Variants in NDRG3 observed in about 807,000 individuals in gnomAD.
NDRG3 encodes protein NDRG3.
In NDRG3, 23 loss-of-function variants were observed where a neutral mutation model predicts 57.2. That is an observed-to-expected ratio of 0.40 (90% CI 0.29 to 0.57). NDRG3 has a LOEUF of 0.57. NDRG3 is among the 20% of genes least tolerant of loss of function. The pLI is 0.42. For missense variants in NDRG3, 384 were observed against 457.3 expected, an observed-to-expected ratio of 0.84 and a Z score of 1.46; for synonymous variants, 132 against 162.6, an observed-to-expected ratio of 0.81 and a Z score of 1.43.
At chr20:36,728,557 T>C (rs1157282282) in intron 1 of NDRG3, among the ~76,000 whole-genome samples, 1 of 152,192 alleles carries the variant, frequency 6.6e-6, no homozygotes, top group Non-Finnish European at 1.5e-5. Context: ...GGCATCTCCC[T>C]TGAACATCAA....
chr20:36,745,506 T>C (rs1346772254), intron 1 of NDRG3, among the ~76,000 whole-genome samples: 1 of 152,194 alleles, frequency 6.6e-6, no homozygotes, highest in Non-Finnish European at 1.5e-5. Flanking sequence ...CACCTTTCCG[T>C]GCCTCAGTTT....
At chr20:36,733,673 G>A (rs1432145105) in intron 1 of NDRG3, among the ~76,000 whole-genome samples, 1 of 151,604 alleles carries the variant, frequency 6.6e-6, no homozygotes, top group East Asian at 1.9e-4. Context: ...CTCTAGCCTG[G>A]GTGACAGAGC....
intron 2 of NDRG3, among the ~76,000 whole-genome samples, chr20:36,718,391 G>A (rs929717617): frequency 6.6e-6 from 1 of 152,196 alleles, no homozygotes; most frequent in Admixed American, 6.5e-5. Context: ...AATGTGGGAA[G>A]TGGGTAGGAA....
intron 2 of NDRG3, among the ~76,000 whole-genome samples, chr20:36,714,443 C>T (rs1018796112): frequency 1.2e-3 from 153 of 124,800 alleles, no homozygotes; most frequent in African/African-American, 4.2e-3. Flanking sequence ...TCATTTTCTT[C>T]TTTTTTTTTT....
intron 2 of NDRG3, 88 bp from the exon 3 acceptor site, chr20:36,707,095 C>G: frequency 8.5e-7 from 1 of 1,171,012 alleles, no homozygotes; most frequent in African/African-American, 1.5e-5. Context: ...GACAGCAGTG[C>G]ATGTGCAGCC....
intron 1 of NDRG3, among the ~76,000 whole-genome samples, chr20:36,727,702 C>G (rs559632599): frequency 3.3e-4 from 50 of 151,878 alleles, no homozygotes; most frequent in African/African-American, 1.0e-3. Context: ...CCACCACGCC[C>G]GGCTAATTTT....
chr20:36,680,748 T>A lies in NDRG3; in HGVS notation c.531+68A>T. ...ACCCTTAACTGTATATATACCTCAA[T>A]GAAAAACTGGTAAGCTGTTTTGAGA... On this transcript the variant is annotated intron_variant, in intron 8 of 15. Transcript: ENST00000349004. 4.0e-6 allele frequency: 5 copies of A among 1,263,810 alleles called. No individual in the cohort carries two copies. The South Asian group carries it at 6.1e-5, about 15-fold the overall frequency. The allele number at this position is 1,263,810 out of a possible 1,614,324, so 78.3% of individuals were successfully genotyped here. A position where few individuals can be genotyped will look rare whatever the true frequency, so the allele number is the denominator to read the frequency against.
chr20:36,730,117 C>A (rs1254418735), intron 1 of NDRG3, among the ~76,000 whole-genome samples: 1 of 151,352 alleles, frequency 6.6e-6, no homozygotes, highest in African/African-American at 2.4e-5. Context: ...CATGATAGCA[C>A]GTGCCTGTAA....
intron 3 of NDRG3, among the ~76,000 whole-genome samples, chr20:36,691,584 G>A (rs1478231942): frequency 1.3e-5 from 2 of 152,064 alleles, no homozygotes; most frequent in Non-Finnish European, 1.5e-5. Context: ...ATGATGGCAG[G>A]TGCCTGTAAT....
chr20:36,715,593 G>A (rs1471621337), intron 2 of NDRG3, among the ~76,000 whole-genome samples: 1 of 151,518 alleles, frequency 6.6e-6, no homozygotes, highest in East Asian at 1.9e-4. Context: ...CGAGGCAGGA[G>A]GATTGCTTGA....
chr20:36,702,231 G>C (rs912086965), intron 3 of NDRG3, among the ~76,000 whole-genome samples: 2 of 151,974 alleles, frequency 1.3e-5, no homozygotes, highest in Non-Finnish European at 2.9e-5. Flanking sequence ...CCGCCTCCTG[G>C]GTTCACGCCA....
intron 8 of NDRG3, among the ~76,000 whole-genome samples, chr20:36,673,599 T>C (rs1980375375): frequency 6.6e-6 from 1 of 151,476 alleles, no homozygotes; most frequent in East Asian, 1.9e-4. Context: ...TAGAGATGGG[T>C]TTCACCATGT....
At chr20:36,662,708 C>A (rs1391964644) in intron 12 of NDRG3, among the ~76,000 whole-genome samples, 1 of 152,250 alleles carries the variant, frequency 6.6e-6, no homozygotes, top group Admixed American at 6.5e-5. Context: ...TCCTCTTAAT[C>A]CCCACACACT....
At chr20:36,664,048 C>A (rs1979417415) in intron 12 of NDRG3, among the ~76,000 whole-genome samples, 2 of 152,072 alleles carry the variant, frequency 1.3e-5, no homozygotes, top group African/African-American at 4.8e-5. Context: ...GGTGATCCAC[C>A]CACCTCAGCC....
intron 1 of NDRG3, among the ~76,000 whole-genome samples, chr20:36,722,074 G>T (rs1984625989): frequency 6.6e-6 from 1 of 152,140 alleles, no homozygotes; most frequent in Non-Finnish European, 1.5e-5. Context: ...GAGTGACTTT[G>T]CATGATTACA....
chr20:36,690,263 C>G (rs1467928465), intron 3 of NDRG3, among the ~76,000 whole-genome samples: 2 of 152,248 alleles, frequency 1.3e-5, no homozygotes, highest in African/African-American at 2.4e-5. Context: ...GAGCAAAGCT[C>G]AGGAACCAAA....
intron 2 of NDRG3, among the ~76,000 whole-genome samples, chr20:36,716,029 AG>A (rs1984253281): frequency 6.6e-6 from 1 of 152,118 alleles, no homozygotes; most frequent in Non-Finnish European, 1.5e-5. Flanking sequence ...TGAGCCCAGG[AG>A]GCTGCAATAA....
intron 3 of NDRG3, 81 bp from the exon 4 acceptor site, chr20:36,688,865 C>T (rs149009670): frequency 1.1e-6 from 1 of 940,512 alleles, no homozygotes; most frequent in Non-Finnish European, 1.8e-6. Flanking sequence ...CCTGCTTTAC[C>T]ACCGTTTCCC....
Position 36,651,910 on chromosome 20 carries a change from G to T in NDRG3, c.*1610C>A, listed in dbSNP as rs985792667. 1 of 152,200 alleles carries T rather than the reference G, an allele frequency of 6.6e-6. No homozygotes were observed. Among genetic ancestry groups the T allele is most frequent in the Non-Finnish European group, 1.5e-5 (1 of 68,044 alleles). The allele number at this position is 152,200 out of a possible 1,614,324, so 9.4% of individuals were successfully genotyped here. A position where few individuals can be genotyped will look rare whatever the true frequency, so the allele number is the denominator to read the frequency against. On this transcript the variant is annotated 3_prime_UTR_variant, in exon 16 of 16. Transcript: ENST00000349004. ...CCAAGATTTGGAACTGTGTAACCCT[G>T]AGCTTACATCTCAATGCTCCCAAGA...
Sources: gnomAD v4.1 joint callset for allele counts (sites outside exome capture counted in the v4.1 genomes callset) on GRCh38, gnomAD v4.1.1 for gene constraint, MANE v1.5 for transcripts, NCBI Gene and HGNC (gene_info 2026-07-23, HGNC 2026-07-21) for gene names.